ADAMTS18: variants seen among roughly 807,000 people sequenced by gnomAD.
ADAMTS18 encodes A disintegrin and metalloproteinase with thrombospondin motifs 18.
Under a neutral mutation model 165.9 loss-of-function variants are expected in ADAMTS18, and 157 were observed. The ratio of observed to expected loss-of-function variants is 0.95; its 90% CI spans 0.83 to 1.08. The LOEUF is 1.08. ADAMTS18 is among the 50% of genes least tolerant of loss of function. The probability of loss-of-function intolerance (pLI) is 0.00; values close to 1 mark genes in which losing one functional copy is unlikely to be tolerated. For synonymous variants in ADAMTS18, 782 were observed against 578.2 expected (o/e 1.35, Z -5.06); for missense variants, 2,040 against 1,534.0 (o/e 1.33, Z -5.51).
intron 3 of ADAMTS18, among the ~76,000 whole-genome samples, chr16:77,375,256 A>T (rs1453938719): frequency 6.6e-6 from 1 of 152,162 alleles, no homozygotes; most frequent in African/African-American, 2.4e-5. Flanking sequence ...TCCTGACCTC[A>T]GGGGATCCGC....
rs764614436 is a variant in ADAMTS18, at chr16:77,431,329, G to C, written c.461C>G (p.Ser154Cys). ...FYQGFIRNDS[S>C]SSVAVSTCAG... ...ACACGTAGACACAGCGACAGAGGAGGAGCTGTCATTTCTGATAAATCCCTG... is the reference window on the plus strand; with the variant it reads ...ACACGTAGACACAGCGACAGAGGAGCAGCTGTCATTTCTGATAAATCCCTG... Residue 154 changes from serine (S) to cysteine (C), a missense_variant, in exon 3 of 23, where the codon TCC (serine) becomes TGC (cysteine). Transcript: ENST00000282849. The C allele has an allele frequency of 1.9e-6, 3 of 1,614,124 alleles. No individual in the cohort carries two copies. The Admixed American group carries it at 5.0e-5, about 27-fold the overall frequency.
chr16:77,406,874 G>A (rs890300651), intron 3 of ADAMTS18, among the ~76,000 whole-genome samples: 1 of 152,000 alleles, frequency 6.6e-6, no homozygotes, highest in Non-Finnish European at 1.5e-5. Context: ...GTTCTCACAA[G>A]GGGGAGCTAA....
intron 21 of ADAMTS18, chr16:77,290,977 A>G: frequency 2.1e-6 from 1 of 472,780 alleles, no homozygotes; most frequent in Non-Finnish European, 3.9e-6. Flanking sequence ...GCAATGACCA[A>G]CATTAGCAGT....
At chr16:77,417,773 G>A (rs1054280419) in intron 3 of ADAMTS18, among the ~76,000 whole-genome samples, 7 of 152,194 alleles carry the variant, frequency 4.6e-5, no homozygotes, top group Non-Finnish European at 8.8e-5. Flanking sequence ...TAAAAAAAGT[G>A]TAAGTGGCCC....
At chr16:77,331,147 T>C (rs910815366) in intron 12 of ADAMTS18, among the ~76,000 whole-genome samples, 2 of 152,238 alleles carry the variant, frequency 1.3e-5, no homozygotes, top group Non-Finnish European at 2.9e-5. Flanking sequence ...TAGGCATCTC[T>C]AAATTACAAT....
intron 11 of ADAMTS18, among the ~76,000 whole-genome samples, chr16:77,337,652 G>A (rs1037078267): frequency 6.6e-6 from 1 of 152,024 alleles, no homozygotes; most frequent in African/African-American, 2.4e-5. Context: ...ATTTCTTTTT[G>A]GAAAATGTGT....
At chr16:77,322,239 T>C (rs2056013884) in intron 14 of ADAMTS18, 97 bp downstream of exon 14, 2 of 1,422,044 alleles carry the variant, frequency 1.4e-6, no homozygotes, top group Non-Finnish European at 1.9e-6. Flanking sequence ...CCTGCTCTTC[T>C]CCAGACACAC....
chr16:77,358,619 A>C (rs1230698728), intron 8 of ADAMTS18, among the ~76,000 whole-genome samples: 2 of 152,226 alleles, frequency 1.3e-5, no homozygotes, highest in Non-Finnish European at 2.9e-5. Flanking sequence ...TGGTTACTGA[A>C]TGATGTTTGC....
intron 3 of ADAMTS18, among the ~76,000 whole-genome samples, chr16:77,369,639 G>A (rs758966955): frequency 2.0e-5 from 3 of 152,186 alleles, no homozygotes; most frequent in African/African-American, 4.8e-5. Context: ...AGGGCCAGAT[G>A]GCTTCCCTGA....
chr16:77,400,883 C>T (rs1171717288), intron 3 of ADAMTS18, among the ~76,000 whole-genome samples: 1 of 152,100 alleles, frequency 6.6e-6, no homozygotes, highest in East Asian at 1.9e-4. Flanking sequence ...TTCTCTCTGT[C>T]TGCTCACTTC....
Position 77,319,835 on chromosome 16 carries a change from C to T in ADAMTS18, c.2532+14G>A, listed in dbSNP as rs1210014360. On this transcript the variant is annotated intron_variant, in intron 16 of 22. Transcript: ENST00000282849. ...CAAGAAGCACTGAGAACTGAATACA[C>T]AGAAGGGGCTTACTTCAAAGACCAG... The T allele has an allele frequency of 6.2e-7, 1 of 1,614,004 alleles. No individual in the cohort carries two copies. Among genetic ancestry groups the T allele is most frequent in the Admixed American group, 1.7e-5 (1 of 60,024 alleles).
chr16:77,323,390 T>C (rs888267393), intron 13 of ADAMTS18, among the ~76,000 whole-genome samples: 2 of 152,130 alleles, frequency 1.3e-5, no homozygotes, highest in Non-Finnish European at 2.9e-5. Context: ...ACAGTCCAAA[T>C]ATGCACATGC....
At chr16:77,333,633 A>G (rs910648402) in intron 12 of ADAMTS18, among the ~76,000 whole-genome samples, 11 of 151,720 alleles carry the variant, frequency 7.3e-5, no homozygotes, top group African/African-American at 1.7e-4. Flanking sequence ...GTATAGAGAT[A>G]TCTGTATTCC....
At chr16:77,411,676 A>ATTTT in intron 3 of ADAMTS18, among the ~76,000 whole-genome samples, 5 of 101,396 alleles carry the variant, frequency 4.9e-5, no homozygotes, top group African/African-American at 1.6e-4. Context: ...GAGTATCCAG[A>ATTTT]ATTTTTTTTT....
intron 6 of ADAMTS18, 61 bp from the exon 7 acceptor site, chr16:77,362,325 A>G (rs2056727833): frequency 3.2e-6 from 5 of 1,577,534 alleles, no homozygotes; most frequent in Non-Finnish European, 4.4e-6. Context: ...ATGCTGAATC[A>G]TTCCATTTGT....
In ADAMTS18 at chr16:77,382,296, C is replaced by T. The variant is rs145486546; in HGVS notation, c.496-14573G>A. ...CGCGATCTCGGCTCACTGCAAGCTC[C>T]GCTGCCCTGGTTCATGCCATTCTCC... On this transcript the variant is annotated intron_variant, in intron 3 of 22. Coordinates refer to ENST00000282849, the MANE Select transcript of ADAMTS18 (RefSeq NM_199355.4). Among the ~76,000 whole-genome samples the T allele has an allele frequency of 4.5e-3, 679 of 152,288 alleles. 5 individuals carry two copies. The highest frequency in any genetic ancestry group is 6.6e-3 in the Non-Finnish European group (451 of 68,042).
intron 19 of ADAMTS18, among the ~76,000 whole-genome samples, chr16:77,294,640 C>T (rs1448036012): frequency 6.6e-6 from 1 of 152,186 alleles, no homozygotes; most frequent in Admixed American, 6.5e-5. Flanking sequence ...AGCCAGTCTT[C>T]TGATACTGGA....
chr16:77,335,616 C>G (rs181718156), intron 12 of ADAMTS18, 140 bp downstream of exon 12: 1 of 1,026,100 alleles, frequency 9.7e-7, no homozygotes, highest in African/African-American at 1.6e-5. Context: ...TCACATGTAC[C>G]CCATAAATAT....
intron 3 of ADAMTS18, among the ~76,000 whole-genome samples, chr16:77,416,705 A>C (rs1266237662): frequency 3.3e-5 from 5 of 152,228 alleles, no homozygotes; most frequent in Non-Finnish European, 5.9e-5. Context: ...GCATGAGAAC[A>C]GACTGATACA....
Sources: gnomAD v4.1 joint callset for allele counts (sites outside exome capture counted in the v4.1 genomes callset) on GRCh38, gnomAD v4.1.1 for gene constraint, MANE v1.5 for transcripts, NCBI Gene and HGNC (gene_info 2026-07-23, HGNC 2026-07-21) for gene names.